The following PIAS1 variants were observed in gnomAD, a reference collection of about 807,000 sequenced individuals.
The protein encoded by PIAS1 is protein inhibitor of activated STAT 1.
In PIAS1, 6 loss-of-function variants were observed where a neutral mutation model predicts 71.3. The ratio of observed to expected loss-of-function variants is 0.08; its 90% CI spans 0.05 to 0.17. The LOEUF is 0.17. Among genes scored for constraint, PIAS1 ranks in the 10% least tolerant of loss-of-function variants. The probability of loss-of-function intolerance (pLI) is 1.00; values close to 1 mark genes in which losing one functional copy is unlikely to be tolerated. For synonymous variants in PIAS1, 303 were observed against 292.9 expected (o/e 1.03, Z -0.35); for missense variants, 555 against 793.6 (o/e 0.70, Z 3.61).
chr15:68,121,154 G>A (rs1429400010), intron 2 of PIAS1, among the ~76,000 whole-genome samples: 1 of 152,020 alleles, frequency 6.6e-6, no homozygotes, highest in East Asian at 1.9e-4. Context: ...AAAATGTAAG[G>A]ACTGTGGTGA....
chr15:68,099,315 G>A (rs893155892), intron 2 of PIAS1, among the ~76,000 whole-genome samples: 13 of 149,868 alleles, frequency 8.7e-5, no homozygotes, highest in Non-Finnish European at 1.5e-4. Context: ...GAAATTTGGT[G>A]GTTGGGCTTT....
chr15:68,122,035 A>G (rs1432289389), intron 2 of PIAS1, among the ~76,000 whole-genome samples: 4 of 152,216 alleles, frequency 2.6e-5, no homozygotes, highest in Admixed American at 2.6e-4. Context: ...AGGCTGAGGC[A>G]GGAGGATCAC....
rs2093103001 is a variant in PIAS1, at chr15:68,188,606, A to AT, written c.*774dup. ...CATGTTCTCCATCACATATTCTCTT[A>AT]TTTGCTCTGTACCCCCTGAGAATAT... On this transcript the variant is annotated 3_prime_UTR_variant, in exon 14 of 14. Transcript: ENST00000249636. 6.6e-6 allele frequency: 1 copy of AT among 152,120 alleles called. No individual in the cohort carries two copies. Among genetic ancestry groups the AT allele is most frequent in the African/African-American group, 2.4e-5 (1 of 41,418 alleles). 9.4% of individuals were successfully genotyped at this position (152,120 alleles called of 1,614,324 possible). A position where few individuals can be genotyped will look rare whatever the true frequency, so the allele number is the denominator to read the frequency against.
chr15:68,124,578 G>A (rs182421073), intron 2 of PIAS1, among the ~76,000 whole-genome samples: 12 of 151,946 alleles, frequency 7.9e-5, no homozygotes, highest in Admixed American at 2.6e-4. Context: ...AAAATTAGCC[G>A]GGTGTGGTGG....
In PIAS1 at chr15:68,125,449, A is replaced by G. The variant is rs78625671; in HGVS notation, c.470-16497A>G. ...ATAGGCCCATGTCCTGTTCTTTCTT[A>G]GTTTTCTCCCTCTTTTTAGTGTGGC... On this transcript the variant is annotated intron_variant, in intron 2 of 13. Transcript: ENST00000249636. 4.5e-3 allele frequency among the ~76,000 whole-genome samples: 680 copies of G among 152,142 alleles called. 1 individual carries two copies. Among genetic ancestry groups the G allele is most frequent in the African/African-American group, 0.015 (611 of 41,520 alleles).
rs1430895301 is a variant in PIAS1, at chr15:68,188,523, AAAGTGCTTTGAAGGTCTTGAACTCAC to A, written c.*689_*714del. ...ATATAATCAGTTGCTTGCTTCTTTC[AAAGTGCTTTGAAGGTCTTGAACTCAC>A]GTGTGAGCATCTTTATCAACTATCC... On this transcript the variant is annotated 3_prime_UTR_variant, in exon 14 of 14. Coordinates refer to ENST00000249636, the MANE Select transcript of PIAS1 (RefSeq NM_016166.3). 1 of 152,174 alleles carries A rather than the reference AAAGTGCTTTGAAGGTCTTGAACTCAC, an allele frequency of 6.6e-6. No homozygotes were observed. The highest frequency in any genetic ancestry group is 1.9e-4 in the East Asian group (1 of 5,186). The allele number at this position is 152,174 out of a possible 1,614,324, so 9.4% of individuals were successfully genotyped here.
chr15:68,103,239 T>G (rs1398493326), intron 2 of PIAS1, among the ~76,000 whole-genome samples: 1 of 152,012 alleles, frequency 6.6e-6, no homozygotes, highest in African/African-American at 2.4e-5. Context: ...TCTTTGATTT[T>G]GATCTTAGGG....
intron 4 of PIAS1, among the ~76,000 whole-genome samples, chr15:68,145,375 T>C (rs2092800969): frequency 1.3e-5 from 2 of 152,154 alleles, no homozygotes; most frequent in South Asian, 2.1e-4. Context: ...TGCATACAGG[T>C]GGTAGGTCTT....
chr15:68,054,424 C>A lies in PIAS1; in HGVS notation c.24+74C>A. 5.4e-6 allele frequency: 8 copies of A among 1,481,754 alleles called. 1 individual carries two copies. The South Asian group carries it at 8.5e-5, about 16-fold the overall frequency. 91.8% of individuals were successfully genotyped at this position (1,481,754 alleles called of 1,614,324 possible). Reference sequence around the variant, plus strand: ...GCCGCTGCTGCCAGGGGGGATGGGTCCGACCCTGGGGGGCCTCTCGGGCCT... The same window carrying A: ...GCCGCTGCTGCCAGGGGGGATGGGTACGACCCTGGGGGGCCTCTCGGGCCT... On this transcript the variant is annotated intron_variant, in intron 1 of 13. Coordinates refer to ENST00000249636, the MANE Select transcript of PIAS1 (RefSeq NM_016166.3). The surrounding 1 kb of genome is among the most constrained non-coding windows in gnomAD (Gnocchi z 4.6).
At chr15:68,106,604 G>A (rs1202654852) in intron 2 of PIAS1, among the ~76,000 whole-genome samples, 2 of 150,414 alleles carry the variant, frequency 1.3e-5, no homozygotes, top group Non-Finnish European at 3.0e-5. Flanking sequence ...ACCTTTGTCT[G>A]CCCCCTCCTT....
intron 1 of PIAS1, among the ~76,000 whole-genome samples, chr15:68,081,985 A>T (rs1370599867): frequency 6.6e-6 from 1 of 151,908 alleles, no homozygotes. Flanking sequence ...ATGATTCCAG[A>T]TGGGGATATA....
At chr15:68,118,262 A>C (rs894221867) in intron 2 of PIAS1, among the ~76,000 whole-genome samples, 2 of 151,982 alleles carry the variant, frequency 1.3e-5, no homozygotes, top group African/African-American at 4.8e-5. Flanking sequence ...TGAAAGTTGC[A>C]GTGAGCCAAG....
chr15:68,166,968 G>A (rs1254723808), intron 8 of PIAS1, among the ~76,000 whole-genome samples: 2 of 152,092 alleles, frequency 1.3e-5, no homozygotes, highest in Non-Finnish European at 1.5e-5. Flanking sequence ...TGGGACTACC[G>A]GCATGTGCCA....
chr15:68,131,657 T>C (rs1004024489), intron 2 of PIAS1, among the ~76,000 whole-genome samples: 1 of 152,204 alleles, frequency 6.6e-6, no homozygotes, highest in Non-Finnish European at 1.5e-5. Context: ...ATTCCATTCA[T>C]GTTTGTCACA....
intron 1 of PIAS1, among the ~76,000 whole-genome samples, chr15:68,060,629 A>G (rs1388948916): frequency 2.0e-5 from 3 of 152,016 alleles, no homozygotes; most frequent in African/African-American, 7.3e-5. Context: ...AAACAAACAA[A>G]AAATCCCCCA....
intron 1 of PIAS1, among the ~76,000 whole-genome samples, chr15:68,056,680 ATTGTGG>A (rs2091899981): frequency 1.3e-5 from 2 of 152,042 alleles, no homozygotes; most frequent in Non-Finnish European, 2.9e-5. Flanking sequence ...TTAATACTTT[ATTGTGG>A]TTAGATTTGC....
At chr15:68,159,333 G>A (rs546573616) in intron 7 of PIAS1, among the ~76,000 whole-genome samples, 8 of 151,612 alleles carry the variant, frequency 5.3e-5, no homozygotes, top group Middle Eastern at 3.4e-3. Context: ...TTTCCCCTCC[G>A]TTTTCTCTCT....
Position 68,178,713 on chromosome 15 carries a change from A to T in PIAS1, c.1481+2059A>T, listed in dbSNP as rs533953934. 6.6e-6 allele frequency among the ~76,000 whole-genome samples: 1 copy of T among 152,212 alleles called. No individual in the cohort carries two copies. The highest frequency in any genetic ancestry group is 1.9e-4 in the East Asian group (1 of 5,188). On this transcript the variant is annotated intron_variant, in intron 11 of 13. Coordinates refer to ENST00000249636, the MANE Select transcript of PIAS1 (RefSeq NM_016166.3). The surrounding 1 kb of genome is among the most constrained non-coding windows in gnomAD (Gnocchi z 4.2). ...ATACTTTTGGGCTAAATGCATCATA[A>T]TATATATATTTGTTCTGTTCTTTAG...
intron 1 of PIAS1, among the ~76,000 whole-genome samples, chr15:68,074,697 G>A (rs903512559): frequency 1.3e-4 from 20 of 151,842 alleles, no homozygotes; most frequent in African/African-American, 4.8e-4. Flanking sequence ...TTCTTCTTTT[G>A]GCTAGTTTAT....
Sources: allele counts gnomAD v4.1 joint callset (sites outside exome capture counted in the v4.1 genomes callset), GRCh38; gene constraint gnomAD v4.1.1; non-coding constraint Gnocchi (gnomAD v3.1); transcripts MANE v1.5; gene names NCBI Gene and HGNC (gene_info 2026-07-23, HGNC 2026-07-21).